LRBA: variants seen among roughly 807,000 people sequenced by gnomAD.
LRBA encodes the protein LPS responsive beige-like anchor protein.
In LRBA, 176 loss-of-function variants were observed where a neutral mutation model predicts 330.0. The ratio of observed to expected loss-of-function variants is 0.53; its 90% confidence interval spans 0.47 to 0.60. The LOEUF is 0.60. Ranked by LOEUF, LRBA falls within the 20% of genes least tolerant of loss-of-function variation. The pLI is 0.00. For missense variants in LRBA, 3,259 were observed against 3,444.8 expected, an observed-to-expected ratio of 0.95 and a Z score of 1.35; for synonymous variants, 1,230 against 1,193.0, an observed-to-expected ratio of 1.03 and a Z score of -0.64.
At chr4:150,760,981 CA>C in intron 35 of LRBA, among the ~76,000 whole-genome samples, 3 of 152,122 alleles carry the variant, frequency 2.0e-5, no homozygotes, top group Admixed American at 2.0e-4. Flanking sequence ...AAATAGTTAC[CA>C]AAGGACTGAT....
At chr4:150,569,677 G>C (rs1504783) in intron 40 of LRBA, among the ~76,000 whole-genome samples, 1 of 151,924 alleles carries the variant, frequency 6.6e-6, no homozygotes, top group Non-Finnish European at 1.5e-5. Flanking sequence ...TTATTTTCCA[G>C]TCGGTAATTA....
At chr4:150,420,254 T>C (rs1748454814) in intron 46 of LRBA, among the ~76,000 whole-genome samples, 1 of 146,602 alleles carries the variant, frequency 6.8e-6, no homozygotes, top group African/African-American at 2.5e-5. Flanking sequence ...TACATATATA[T>C]TATACATATA....
chr4:150,667,137 A>C (rs1384052332), intron 37 of LRBA, among the ~76,000 whole-genome samples: 1 of 152,192 alleles, frequency 6.6e-6, no homozygotes, highest in Non-Finnish European at 1.5e-5. Flanking sequence ...ATCTTAAAGG[A>C]AGGATTCAGA....
chr4:150,869,887 C>T (rs1321790261), intron 20 of LRBA, among the ~76,000 whole-genome samples: 1 of 152,090 alleles, frequency 6.6e-6, no homozygotes, highest in Admixed American at 6.6e-5. Context: ...AAAATAATGA[C>T]ATCACGTTTC....
intron 56 of LRBA, among the ~76,000 whole-genome samples, chr4:150,273,648 A>C (rs1279370243): frequency 6.6e-6 from 1 of 152,150 alleles, no homozygotes; most frequent in Non-Finnish European, 1.5e-5. Flanking sequence ...GAAAAAAAAA[A>C]AGCAGGGTTG....
chr4:150,354,946 G>GTA (rs555632193), intron 47 of LRBA, among the ~76,000 whole-genome samples: 23 of 151,510 alleles, frequency 1.5e-4, no homozygotes, highest in East Asian at 3.9e-4. Context: ...GTGTGTGTGT[G>GTA]TATATATATA....
rs1306425159 is a variant in LRBA, at chr4:150,583,293, C to G, written c.6330+4755G>C. 1 of 1,614,216 alleles carries G rather than the reference C, an allele frequency of 6.2e-7. No individual in the cohort carries two copies. Among genetic ancestry groups the G allele is most frequent in the South Asian group, 1.1e-5 (1 of 91,090 alleles). ...TAAACCAGATGGGCGTCTTCAACTT[C>G]GTGGACGACGGCTCGCTGCCCGGCT... On this transcript the variant is annotated intron_variant, in intron 40 of 56. Transcript: ENST00000651943. The surrounding 1 kb of genome is among the most constrained non-coding windows in gnomAD (Gnocchi z 9.8).
intron 40 of LRBA, among the ~76,000 whole-genome samples, chr4:150,509,660 A>G (rs1239381795): frequency 1.3e-5 from 2 of 152,156 alleles, no homozygotes; most frequent in Non-Finnish European, 2.9e-5. Flanking sequence ...AAATTGATAA[A>G]CCTCTGACCA....
chr4:150,616,544 T>G (rs1305774076), intron 37 of LRBA, among the ~76,000 whole-genome samples: 4 of 152,192 alleles, frequency 2.6e-5, no homozygotes, highest in South Asian at 4.1e-4. Context: ...AAACTGAGAC[T>G]TGACTATTGG....
chr4:150,956,113 A>G (rs527689883), intron 2 of LRBA, among the ~76,000 whole-genome samples: 1 of 149,286 alleles, frequency 6.7e-6, no homozygotes, highest in South Asian at 2.1e-4. Context: ...CAACAAAAAA[A>G]TGAAATTGAC....
intron 36 of LRBA, among the ~76,000 whole-genome samples, chr4:150,700,723 T>C (rs1389850312): frequency 1.3e-5 from 2 of 151,962 alleles, no homozygotes; most frequent in Non-Finnish European, 2.9e-5. Context: ...TGTGCCAAAA[T>C]GTTTTCTTTC....
At chr4:150,323,025 G>GTGTGTGTGTGTT (rs373782725) in intron 49 of LRBA, among the ~76,000 whole-genome samples, 25,627 of 142,450 alleles carry the variant, frequency 0.18, 2,524 homozygotes, top group East Asian at 0.32. Context: ...GTGTGTGTGT[G>GTGTGTGTGTGTT]GGGATGCATT....
At chr4:150,695,893 T>C (rs1018082726) in intron 36 of LRBA, among the ~76,000 whole-genome samples, 2 of 152,186 alleles carry the variant, frequency 1.3e-5, no homozygotes, top group Non-Finnish European at 2.9e-5. Context: ...CTCCTACTTA[T>C]GAATAAATAT....
intron 37 of LRBA, among the ~76,000 whole-genome samples, chr4:150,638,529 TAAG>T (rs959534503): frequency 6.6e-6 from 1 of 152,180 alleles, no homozygotes; most frequent in Non-Finnish European, 1.5e-5. Context: ...AGAGAATACT[TAAG>T]AACACATAAG....
intron 48 of LRBA, among the ~76,000 whole-genome samples, chr4:150,343,657 T>A (rs565950192): frequency 1.3e-5 from 2 of 152,144 alleles, no homozygotes; most frequent in Non-Finnish European, 2.9e-5. Context: ...TCCTTTTTCA[T>A]ACATTTCACC....
intron 16 of LRBA, 132 bp downstream of exon 16, chr4:150,896,262 G>T: frequency 1.8e-6 from 1 of 541,166 alleles, no homozygotes; most frequent in East Asian, 3.5e-5. Context: ...CTAGGGCTTA[G>T]TTCCTAAGTA....
intron 31 of LRBA, among the ~76,000 whole-genome samples, chr4:150,812,060 G>C (rs1278352682): frequency 2.0e-5 from 3 of 152,092 alleles, no homozygotes; most frequent in Non-Finnish European, 2.9e-5. Flanking sequence ...AAAATCACAT[G>C]AAAGAATAAA....
At chr4:150,491,735 C>T (rs983444184) in intron 40 of LRBA, among the ~76,000 whole-genome samples, 1 of 152,060 alleles carries the variant, frequency 6.6e-6, no homozygotes, top group African/African-American at 2.4e-5. Flanking sequence ...AATGCTTTGC[C>T]AATTCAAAGT....
chr4:150,387,077 TC>T (rs1743189964), intron 47 of LRBA, among the ~76,000 whole-genome samples: 1 of 151,904 alleles, frequency 6.6e-6, no homozygotes, highest in African/African-American at 2.4e-5. Flanking sequence ...TTGAGAAGTG[TC>T]TTTTCAAGTC....
Sources: allele counts gnomAD v4.1 joint callset (sites outside exome capture counted in the v4.1 genomes callset), GRCh38; gene constraint gnomAD v4.1.1; non-coding constraint Gnocchi (gnomAD v3.1); transcripts MANE v1.5; gene names NCBI Gene and HGNC (gene_info 2026-07-23, HGNC 2026-07-21).